The following ROBO1 variants were observed in gnomAD, a reference collection of about 807,000 sequenced individuals.
ROBO1 encodes the protein roundabout guidance receptor 1, also known as roundabout homolog 1.
A neutral mutation model predicts 195.9 loss-of-function variants in ROBO1; 149 were observed. That is an observed-to-expected ratio of 0.76 (90% CI 0.67 to 0.87). ROBO1 has a LOEUF of 0.87. ROBO1 is among the 40% of genes least tolerant of loss of function. ROBO1 has a pLI of 0.00. For synonymous variants in ROBO1, 816 were observed against 733.2 expected (o/e 1.11, Z -1.82); for missense variants, 1,933 against 2,068.3 (o/e 0.93, Z 1.27).
rs183467545 is a variant in ROBO1, at chr3:79,636,307, A to G, written c.-50-46346T>C. ...ATACAAGTCACACTTAAATTTATTC[A>G]TAAGTGTATATATACTAGAGAAACA... On this transcript the variant is annotated intron_variant, in intron 1 of 30. Transcript: ENST00000464233. Among the ~76,000 whole-genome samples, 4 of 152,300 alleles carry G rather than the reference A, an allele frequency of 2.6e-5. No homozygotes were observed. In the East Asian group the frequency reaches 7.7e-4, roughly 29 times the overall value.
chr3:79,171,429 A>G (rs1446432835), intron 2 of ROBO1, among the ~76,000 whole-genome samples: 8 of 150,768 alleles, frequency 5.3e-5, no homozygotes, highest in Non-Finnish European at 8.9e-5. Context: ...AAAAAAAAAA[A>G]AAGCCATAAC....
intron 4 of ROBO1, among the ~76,000 whole-genome samples, chr3:78,859,058 C>T (rs2034631608): frequency 6.6e-6 from 1 of 152,082 alleles, no homozygotes; most frequent in South Asian, 2.1e-4. Context: ...TGTCCTATGC[C>T]ATGCAGGGTT....
chr3:78,715,135 A>G (rs1271058150), intron 7 of ROBO1: 3 of 152,144 alleles, frequency 2.0e-5, no homozygotes, highest in African/African-American at 7.2e-5. Flanking sequence ...GTTATCTACT[A>G]TAGTTTACAT....
At chr3:79,708,823 T>C (rs1331234972) in intron 1 of ROBO1, among the ~76,000 whole-genome samples, 3 of 152,250 alleles carry the variant, frequency 2.0e-5, no homozygotes, top group Non-Finnish European at 4.4e-5. Flanking sequence ...GCTGTGATCG[T>C]GCCACTGCAC....
At chr3:79,619,115 C>T (rs1478327347) in intron 1 of ROBO1, among the ~76,000 whole-genome samples, 1 of 152,144 alleles carries the variant, frequency 6.6e-6, no homozygotes, top group African/African-American at 2.4e-5. Context: ...GAGACACCTG[C>T]CCTCATCATT....
chr3:78,760,393 G>A (rs910612502), intron 4 of ROBO1, among the ~76,000 whole-genome samples: 8 of 152,072 alleles, frequency 5.3e-5, no homozygotes, highest in African/African-American at 1.2e-4. Flanking sequence ...CTCACTGGGT[G>A]CAGTGGCTCA....
chr3:79,740,893 A>T (rs980492490), intron 1 of ROBO1, among the ~76,000 whole-genome samples: 6 of 152,238 alleles, frequency 3.9e-5, no homozygotes, highest in Non-Finnish European at 7.3e-5. Flanking sequence ...AAAAATTATT[A>T]AAATAATTGC....
intron 4 of ROBO1, among the ~76,000 whole-genome samples, chr3:78,788,847 C>G (rs2083930969): frequency 6.6e-6 from 1 of 152,070 alleles, no homozygotes; most frequent in Admixed American, 6.6e-5. Context: ...AATGATATCT[C>G]TAATGTAGTG....
chr3:79,716,984 A>C (rs1431388668), intron 1 of ROBO1, among the ~76,000 whole-genome samples: 2 of 151,986 alleles, frequency 1.3e-5, no homozygotes, highest in Non-Finnish European at 2.9e-5. Context: ...AATCATGAAA[A>C]TTTTGAACTG....
intron 2 of ROBO1, among the ~76,000 whole-genome samples, chr3:79,542,670 T>C (rs1942117316): frequency 6.6e-6 from 1 of 152,018 alleles, no homozygotes; most frequent in South Asian, 2.1e-4. Context: ...AGGAAACTGG[T>C]ATTATTTGCA....
intron 3 of ROBO1, among the ~76,000 whole-genome samples, chr3:79,107,677 TG>T (rs1296687602): frequency 6.6e-6 from 1 of 151,676 alleles, no homozygotes; most frequent in Non-Finnish European, 1.5e-5. Context: ...GTATTGAGAG[TG>T]ATTACTTATG....
At chr3:79,474,044 T>C (rs1466014542) in intron 2 of ROBO1, among the ~76,000 whole-genome samples, 1 of 152,144 alleles carries the variant, frequency 6.6e-6, no homozygotes, top group African/African-American at 2.4e-5. Context: ...AACAGACATA[T>C]TAAGAATTAC....
At chr3:79,214,811 A>AATATATAT (rs770388395) in intron 2 of ROBO1, among the ~76,000 whole-genome samples, 96 of 143,408 alleles carry the variant, frequency 6.7e-4, no homozygotes, top group Middle Eastern at 7.4e-3. Context: ...CAAAACTGCA[A>AATATATAT]ATATATATAT....
At chr3:78,996,960 T>C (rs987979715) in intron 3 of ROBO1, among the ~76,000 whole-genome samples, 3 of 152,180 alleles carry the variant, frequency 2.0e-5, no homozygotes, top group Admixed American at 6.6e-5. Flanking sequence ...TTCATGTAGA[T>C]ATAAGACAGT....
chr3:79,631,686 G>A (rs1945347079), intron 1 of ROBO1, among the ~76,000 whole-genome samples: 1 of 151,904 alleles, frequency 6.6e-6, no homozygotes, highest in African/African-American at 2.4e-5. Context: ...ATAATCAATA[G>A]AGTAAGGAGA....
At chr3:78,769,477 A>G (rs1208422460) in intron 4 of ROBO1, among the ~76,000 whole-genome samples, 1 of 152,138 alleles carries the variant, frequency 6.6e-6, no homozygotes, top group Non-Finnish European at 1.5e-5. Flanking sequence ...TCCTGAAGGC[A>G]GTAGATGGTT....
At chr3:79,372,353 G>A (rs1265615120) in intron 2 of ROBO1, among the ~76,000 whole-genome samples, 1 of 151,752 alleles carries the variant, frequency 6.6e-6, no homozygotes, top group African/African-American at 2.4e-5. Context: ...ATTACAGGTG[G>A]ATGTGCCACC....
intron 2 of ROBO1, among the ~76,000 whole-genome samples, chr3:79,340,726 G>T (rs939646642): frequency 6.6e-6 from 1 of 152,100 alleles, no homozygotes; most frequent in Non-Finnish European, 1.5e-5. Context: ...TTTTAAAAAA[G>T]CCAGCTCTTA....
intron 1 of ROBO1, among the ~76,000 whole-genome samples, chr3:79,625,736 A>G (rs1050245973): frequency 6.6e-6 from 1 of 152,176 alleles, no homozygotes; most frequent in South Asian, 2.1e-4. Flanking sequence ...AACCAAAAAA[A>G]GACGAGGACC....
Sources: allele counts gnomAD v4.1 joint callset (sites outside exome capture counted in the v4.1 genomes callset), GRCh38; gene constraint gnomAD v4.1.1; transcripts MANE v1.5; gene names NCBI Gene and HGNC (gene_info 2026-07-23, HGNC 2026-07-21).